STAU1: variants seen among roughly 807,000 people sequenced by gnomAD.
STAU1 encodes double-stranded RNA-binding protein Staufen homolog 1.
STAU1 carries 13 observed loss-of-function variants against 62.9 expected under a neutral mutation model. That is an observed-to-expected ratio of 0.21 (90% CI 0.13 to 0.33). The LOEUF (loss-of-function observed/expected upper bound fraction) is 0.33, where lower values mean the gene tolerates loss of function less well. Among genes scored for constraint, STAU1 ranks in the 10% least tolerant of loss-of-function variants. STAU1 has a pLI of 1.00. For synonymous variants in STAU1, 269 were observed against 265.1 expected, an observed-to-expected ratio of 1.01 and a Z score of -0.14; for missense variants, 571 against 712.1, an observed-to-expected ratio of 0.80 and a Z score of 2.25.
intron 5 of STAU1, among the ~76,000 whole-genome samples, chr20:49,143,153 A>G (rs2093047442): frequency 1.3e-5 from 2 of 152,210 alleles, no homozygotes; most frequent in African/African-American, 2.4e-5. Context: ...GTAGGGAGGC[A>G]GCAAATGGTT....
chr20:49,164,490 C>A (rs1188435903), intron 3 of STAU1, among the ~76,000 whole-genome samples: 1 of 151,504 alleles, frequency 6.6e-6, no homozygotes, highest in Non-Finnish European at 1.5e-5. Flanking sequence ...GGGATTTCAC[C>A]ATGTTGCCCA....
chr20:49,163,596 T>C (rs2146362709), intron 3 of STAU1, among the ~76,000 whole-genome samples: 2 of 151,972 alleles, frequency 1.3e-5, no homozygotes, highest in East Asian at 3.9e-4. Context: ...TGGCTAATTT[T>C]TGTATTTTTA....
upstream of STAU1, among the ~76,000 whole-genome samples, chr20:49,189,915 C>T (rs1186478784): frequency 3.3e-5 from 5 of 152,154 alleles, no homozygotes; most frequent in East Asian, 7.7e-4. Flanking sequence ...GGAGCCTTAG[C>T]GAAGCCTGGG....
intron 5 of STAU1, among the ~76,000 whole-genome samples, chr20:49,143,385 A>G (rs1295254682): frequency 6.6e-6 from 1 of 152,160 alleles, no homozygotes; most frequent in African/African-American, 2.4e-5. Context: ...TGAGCCCAGG[A>G]GTTCAAAACC....
intron 5 of STAU1, among the ~76,000 whole-genome samples, chr20:49,139,328 A>G (rs2092957137): frequency 6.6e-6 from 1 of 152,254 alleles, no homozygotes; most frequent in Non-Finnish European, 1.5e-5. Flanking sequence ...CATTTATCTC[A>G]TAAGGGATTA....
rs774948589 is a variant in STAU1, at chr20:49,142,854, G to A, written c.511-6923C>T. Among the ~76,000 whole-genome samples, 48 of 152,200 alleles carry A rather than the reference G, an allele frequency of 3.2e-4. 1 individual carries two copies. Among genetic ancestry groups the A allele is most frequent in the Admixed American group, 6.5e-5 (1 of 15,286 alleles). On this transcript the variant is annotated intron_variant, in intron 5 of 13. Transcript: ENST00000371856. ...CCTCAGCTCTGTGCCCTCAGCTGCA[G>A]TGCAATGGCATAATCAGAGCTCACT...
intron 5 of STAU1, among the ~76,000 whole-genome samples, chr20:49,141,612 G>A (rs555545241): frequency 4.7e-4 from 71 of 152,214 alleles, no homozygotes; most frequent in African/African-American, 1.6e-3. Flanking sequence ...ACAAGGCAAC[G>A]GGCCAGGCGA....
intron 4 of STAU1, among the ~76,000 whole-genome samples, chr20:49,153,512 C>T (rs1028492424): frequency 1.0e-4 from 15 of 150,518 alleles, no homozygotes; most frequent in African/African-American, 3.4e-4. Context: ...TCAAGACCAC[C>T]CCAGCCAACA....
intron 6 of STAU1, chr20:49,134,520 A>T (rs1261354811): frequency 2.4e-6 from 3 of 1,259,342 alleles, no homozygotes; most frequent in Non-Finnish European, 3.5e-6. Context: ...CCTGACACCA[A>T]ACTCATCGGA....
intron 5 of STAU1, among the ~76,000 whole-genome samples, chr20:49,150,800 C>T (rs182407854): frequency 6.0e-4 from 92 of 152,270 alleles, no homozygotes; most frequent in African/African-American, 2.1e-3. Context: ...GCAGCTGCTT[C>T]CATTTCCCAT....
chr20:49,147,298 G>A lies in STAU1; in HGVS notation c.510+4284C>T, dbSNP rs554543046. Among the ~76,000 whole-genome samples, 6 of 152,308 alleles carry A rather than the reference G, an allele frequency of 3.9e-5. No homozygotes were observed. In the South Asian group the frequency reaches 1.2e-3, roughly 32 times the overall value. On this transcript the variant is annotated intron_variant, in intron 5 of 13. Coordinates refer to ENST00000371856, the MANE Select transcript of STAU1 (RefSeq NM_017453.4). ...CTAAGTTCACAGGAAAAGGGATGGCGCTGACTGTTTCAACTCAGGGTCTAG... is the reference window on the plus strand; with the variant it reads ...CTAAGTTCACAGGAAAAGGGATGGCACTGACTGTTTCAACTCAGGGTCTAG...
At chr20:49,182,308 G>A (rs1005441452) in intron 1 of STAU1, among the ~76,000 whole-genome samples, 2 of 152,192 alleles carry the variant, frequency 1.3e-5, no homozygotes, top group African/African-American at 4.8e-5. Flanking sequence ...GCTATTTGCA[G>A]TAATTCCCAT....
intron 6 of STAU1, among the ~76,000 whole-genome samples, chr20:49,131,756 T>C (rs2092754633): frequency 6.6e-6 from 1 of 151,690 alleles, no homozygotes; most frequent in African/African-American, 2.4e-5. Context: ...GGCAGGAGAA[T>C]TGCTTGAATC....
chr20:49,119,961 CAGAG>C lies in STAU1; in HGVS notation c.1113+17_1113+20del, dbSNP rs562628884. 4 of 1,608,104 alleles carry C rather than the reference CAGAG, an allele frequency of 2.5e-6. No homozygotes were observed. The highest frequency in any genetic ancestry group is 2.6e-6 in the Non-Finnish European group (3 of 1,175,734). ...GTGAGGCGAGAGACCATCTTGCAAT[CAGAG>C]AGCCCACAGCACTCACCTTCTCCTC... On this transcript the variant is annotated intron_variant, in intron 9 of 13. Transcript: ENST00000371856.
intron 2 of STAU1, among the ~76,000 whole-genome samples, chr20:49,173,144 G>A (rs1393371415): frequency 7.0e-6 from 1 of 142,902 alleles, no homozygotes; most frequent in African/African-American, 2.5e-5. Context: ...GCGCCCAGCC[G>A]ATAATACAAT....
At chr20:49,118,212 CAG>C (rs1263737157) in intron 10 of STAU1, 116 bp from the exon 11 acceptor site, 4 of 1,378,212 alleles carry the variant, frequency 2.9e-6, no homozygotes, top group African/African-American at 1.4e-5. Flanking sequence ...CGCAGGGAAT[CAG>C]GGAATGATAA....
At chr20:49,155,652 T>C (rs2093345736) in intron 3 of STAU1, among the ~76,000 whole-genome samples, 1 of 152,242 alleles carries the variant, frequency 6.6e-6, no homozygotes, top group African/African-American at 2.4e-5. Flanking sequence ...GAATCAAATC[T>C]ATAAGAATAT....
At chr20:49,205,641 G>A in the STAU1 span, among the ~76,000 whole-genome samples, 2 of 150,532 alleles carry the variant, frequency 1.3e-5, no homozygotes, top group Non-Finnish European at 2.9e-5. Flanking sequence ...TGGGATTACA[G>A]ACATGAGCCA....
At position 49,118,425 on chromosome 20, in the gene STAU1, A is replaced by G. The variant is rs775401438; in HGVS notation, c.1114-17T>C. 1.3e-5 allele frequency: 19 copies of G among 1,409,152 alleles called. No individual in the cohort carries two copies. In the East Asian group the frequency reaches 3.2e-4, roughly 24 times the overall value. 87.3% of individuals were successfully genotyped at this position (1,409,152 alleles called of 1,614,324 possible). ...TATGGGTGTCTTAAAAAAGAAGAAG[A>G]AAAAAAAAAGGCCATGAGCATAAAT... On this transcript the variant is annotated splice_polypyrimidine_tract_variant and intron_variant, in intron 9 of 13. Transcript: ENST00000371856.
Sources: gnomAD v4.1 joint callset for allele counts (sites outside exome capture counted in the v4.1 genomes callset) on GRCh38, gnomAD v4.1.1 for gene constraint, MANE v1.5 for transcripts, NCBI Gene and HGNC (gene_info 2026-07-23, HGNC 2026-07-21) for gene names.